PVT1: variants seen among roughly 807,000 people sequenced by gnomAD.
The protein encoded by PVT1 is CXCR4/PVT1 fusion.
chr8:128,083,865 C>G (rs950455649), intron 5 of PVT1, among the ~76,000 whole-genome samples: 1 of 152,136 alleles, frequency 6.6e-6, no homozygotes, highest in Non-Finnish European at 1.5e-5. Context: ...TGTCGGGGTC[C>G]CACTCTAATT....
chr8:127,850,542 T>G (rs961657924), intron 2 of PVT1, among the ~76,000 whole-genome samples: 1 of 152,164 alleles, frequency 6.6e-6, no homozygotes, highest in Non-Finnish European at 1.5e-5. Flanking sequence ...ACAGTGATGG[T>G]GTGGACCCAT....
At chr8:127,961,945 G>A (rs935094642) in intron 3 of PVT1, among the ~76,000 whole-genome samples, 2 of 152,210 alleles carry the variant, frequency 1.3e-5, no homozygotes, top group Non-Finnish European at 1.5e-5. Context: ...CATTCTCCAG[G>A]TTTGTTGTGA....
chr8:128,070,132 C>T (rs2250888), intron 4 of PVT1: 37,572 of 152,028 alleles, frequency 0.25, 4,867 homozygotes, highest in East Asian at 0.38. Flanking sequence ...CAATTTGGTT[C>T]TTTTGCTTAC....
At position 127,884,821 on chromosome 8, in the gene PVT1, G is replaced by A. The variant is rs527586489; in HGVS notation, n.373-5768G>A. Among the ~76,000 whole-genome samples the A allele has an allele frequency of 1.8e-4, 27 of 152,338 alleles. No individual in the cohort carries two copies. The South Asian group carries it at 5.2e-3, about 29-fold the overall frequency. On this transcript the variant is annotated intron_variant and non_coding_transcript_variant, in intron 2 of 10. Transcript: ENST00000651587. ...TTTTGCAGGCGGAGGGCGAGGTGCAGCCACCTTCTTGTGAGCATCAGGGCA... is the reference window on the plus strand; with the variant it reads ...TTTTGCAGGCGGAGGGCGAGGTGCAACCACCTTCTTGTGAGCATCAGGGCA...
intron 4 of PVT1, chr8:128,008,930 T>G (rs369095142): frequency 7.6e-6 from 4 of 526,298 alleles, no homozygotes; most frequent in Non-Finnish European, 1.6e-5. Context: ...GCTCTTGCAG[T>G]AGGTTTTTGC....
chr8:127,854,024 C>T (rs1276782930), intron 2 of PVT1, among the ~76,000 whole-genome samples: 1 of 152,196 alleles, frequency 6.6e-6, no homozygotes, highest in Non-Finnish European at 1.5e-5. Flanking sequence ...CAACTTGTTT[C>T]AGCCTGGCAA....
chr8:128,026,988 G>A (rs977622283), intron 4 of PVT1, among the ~76,000 whole-genome samples: 16 of 152,102 alleles, frequency 1.1e-4, no homozygotes, highest in Non-Finnish European at 4.4e-5. Flanking sequence ...TGCCTTCCTC[G>A]ATCTTCTTGA....
chr8:127,931,025 G>A (rs768281863), intron 3 of PVT1, among the ~76,000 whole-genome samples: 3 of 152,062 alleles, frequency 2.0e-5, no homozygotes, highest in African/African-American at 4.8e-5. Context: ...CCCCTTCAGC[G>A]TCCCTAGTAG....
At chr8:127,958,392 G>C (rs958879830) in intron 3 of PVT1, among the ~76,000 whole-genome samples, 3 of 151,948 alleles carry the variant, frequency 2.0e-5, no homozygotes, top group Non-Finnish European at 4.4e-5. Flanking sequence ...GGTGCACACC[G>C]CCATGCCCAG....
intron 4 of PVT1, among the ~76,000 whole-genome samples, chr8:127,992,717 C>T (rs945611584): frequency 1.3e-5 from 2 of 152,232 alleles, no homozygotes; most frequent in African/African-American, 2.4e-5. Flanking sequence ...CCTGGCCCTG[C>T]TCCCTGGATA....
chr8:128,002,056 G>A (rs1817183528), intron 4 of PVT1, among the ~76,000 whole-genome samples: 2 of 152,176 alleles, frequency 1.3e-5, no homozygotes, highest in Admixed American at 6.5e-5. Context: ...TCCTGACCAG[G>A]CACGTCAACA....
At chr8:128,028,385 C>T (rs1423159795) in intron 4 of PVT1, among the ~76,000 whole-genome samples, 1 of 152,226 alleles carries the variant, frequency 6.6e-6, no homozygotes, top group African/African-American at 2.4e-5. Context: ...GAGTCCTTTC[C>T]CAGGCTCCCT....
chr8:127,997,858 A>G (rs1312393319), intron 4 of PVT1, among the ~76,000 whole-genome samples: 1 of 152,192 alleles, frequency 6.6e-6, no homozygotes, highest in Non-Finnish European at 1.5e-5. Context: ...ATGTCTTCTT[A>G]GATTGCCCTG....
chr8:127,991,496 G>A (rs1246646394), intron 4 of PVT1, among the ~76,000 whole-genome samples: 6 of 152,154 alleles, frequency 3.9e-5, no homozygotes, highest in Admixed American at 6.6e-5. Flanking sequence ...GCATACAGGT[G>A]TAGCAGCCTT....
chr8:128,024,837 AG>A (rs140477789), intron 4 of PVT1, among the ~76,000 whole-genome samples: 2,856 of 152,296 alleles, frequency 0.019, 93 homozygotes, highest in African/African-American at 0.066. Context: ...GGCTAGCTGC[AG>A]GTGTGCCATC....
chr8:128,020,627 G>A (rs1817421966), intron 4 of PVT1, among the ~76,000 whole-genome samples: 1 of 152,186 alleles, frequency 6.6e-6, no homozygotes, highest in Non-Finnish European at 1.5e-5. Flanking sequence ...CCTGATAGGA[G>A]CCCAGTCCGC....
At chr8:128,086,115 T>C (rs1227527663) in intron 5 of PVT1, among the ~76,000 whole-genome samples, 1 of 152,214 alleles carries the variant, frequency 6.6e-6, no homozygotes, top group Non-Finnish European at 1.5e-5. Flanking sequence ...TGTGAGTCGA[T>C]AAGTTGTTTT....
At chr8:128,011,472 G>C (rs75325490) in intron 4 of PVT1, among the ~76,000 whole-genome samples, 3,360 of 152,222 alleles carry the variant, frequency 0.022, 128 homozygotes, top group African/African-American at 0.073. Context: ...TCTCTGCTAC[G>C]TGAGGACACA....
intron 5 of PVT1, among the ~76,000 whole-genome samples, chr8:128,088,306 C>T (rs931865997): frequency 3.3e-5 from 5 of 152,138 alleles, no homozygotes; most frequent in Admixed American, 2.0e-4. Flanking sequence ...AAGGTTAATT[C>T]ACGGTCCCAG....
Sources: gnomAD v4.1 joint callset for allele counts (sites outside exome capture counted in the v4.1 genomes callset) on GRCh38, gnomAD v4.1.1 for gene constraint, MANE v1.5 for transcripts, NCBI Gene and HGNC (gene_info 2026-07-23, HGNC 2026-07-21) for gene names.